Variants in NFATC3 observed in about 807,000 individuals in gnomAD.
NFATC3 encodes nuclear factor of activated T-cells, cytoplasmic 3.
In NFATC3, 46 loss-of-function variants were observed where a neutral mutation model predicts 98.6. That is an observed-to-expected ratio of 0.47 (90% CI 0.37 to 0.60). The LOEUF is 0.60. Among genes scored for constraint, NFATC3 ranks in the 20% least tolerant of loss-of-function variants. The pLI, the probability that NFATC3 is intolerant of heterozygous loss-of-function variation, is 0.00. For synonymous variants in NFATC3, 512 were observed against 472.2 expected (o/e 1.08, Z -1.09); for missense variants, 1,256 against 1,295.5 (o/e 0.97, Z 0.47).
At chr16:68,096,104 G>A (rs149992176) in intron 1 of NFATC3, among the ~76,000 whole-genome samples, 140 of 152,226 alleles carry the variant, frequency 9.2e-4, no homozygotes, top group African/African-American at 2.5e-3. Context: ...CAAACCACAG[G>A]TGCTTGCCAC....
At chr16:68,168,719 C>T (rs1374542569) in intron 5 of NFATC3, among the ~76,000 whole-genome samples, 3 of 146,440 alleles carry the variant, frequency 2.0e-5, no homozygotes, top group Non-Finnish European at 4.5e-5. Context: ...CTCCTGACCT[C>T]GTGATCTGCC....
intron 1 of NFATC3, among the ~76,000 whole-genome samples, chr16:68,088,488 A>AATATATATTTTATATATT (rs1555512197): frequency 6.9e-6 from 1 of 144,086 alleles, no homozygotes; most frequent in African/African-American, 2.5e-5. Flanking sequence ...TAGTGTATAT[A>AATATATATTTTATATATT]ATATATATTT....
At chr16:68,106,492 C>G (rs762459207) in intron 1 of NFATC3, among the ~76,000 whole-genome samples, 58 of 151,638 alleles carry the variant, frequency 3.8e-4, no homozygotes, top group Admixed American at 2.0e-3. Flanking sequence ...GGGTTTCTCC[C>G]TGTTGTCCAG....
At chr16:68,091,276 A>C (rs1403507923) in intron 1 of NFATC3, among the ~76,000 whole-genome samples, 1 of 152,184 alleles carries the variant, frequency 6.6e-6, no homozygotes. Flanking sequence ...CCTGTATCTT[A>C]AGCGTTCAAG....
intron 3 of NFATC3, among the ~76,000 whole-genome samples, chr16:68,153,636 CAG>C (rs1465825330): frequency 2.0e-5 from 3 of 152,012 alleles, no homozygotes; most frequent in African/African-American, 7.2e-5. Flanking sequence ...TTTTTTGAGA[CAG>C]AGTCTCGCTC....
chr16:68,091,265 G>A (rs950035581), intron 1 of NFATC3, among the ~76,000 whole-genome samples: 3 of 152,140 alleles, frequency 2.0e-5, no homozygotes, highest in African/African-American at 7.2e-5. Context: ...GTTAAGTAAG[G>A]CCTGTATCTT....
intron 6 of NFATC3, among the ~76,000 whole-genome samples, chr16:68,177,817 T>C (rs1381242478): frequency 6.6e-6 from 1 of 152,174 alleles, no homozygotes; most frequent in African/African-American, 2.4e-5. Context: ...TTTTGTTTCA[T>C]TTCTCTATCG....
chr16:68,157,095 A>T (rs1226619414), intron 3 of NFATC3, among the ~76,000 whole-genome samples: 1 of 152,004 alleles, frequency 6.6e-6, no homozygotes, highest in Non-Finnish European at 1.5e-5. Context: ...TGCTTTCACT[A>T]CTGCGATTCA....
In NFATC3 at chr16:68,091,079, A is replaced by G. The variant is rs1017987591; in HGVS notation, c.103+5295A>G. Among the ~76,000 whole-genome samples, 5 of 152,358 alleles carry G rather than the reference A, an allele frequency of 3.3e-5. No individual in the cohort carries two copies. In the East Asian group the frequency reaches 5.8e-4, roughly 18 times the overall value. On this transcript the variant is annotated intron_variant, in intron 1 of 9. Transcript: ENST00000346183. ...TCAATGTCATGTTTTTGTTAAAAAC[A>G]TTCATCATTGCAAGAGCTATTCCTG...
intron 9 of NFATC3, chr16:68,224,614 G>C (rs1425853936): frequency 8.4e-6 from 1 of 119,286 alleles, no homozygotes. Context: ...GTCTTGCTCT[G>C]TCTCCCTGGC....
intron 1 of NFATC3, among the ~76,000 whole-genome samples, chr16:68,091,264 G>C (rs1328500376): frequency 6.6e-6 from 1 of 152,158 alleles, no homozygotes; most frequent in East Asian, 1.9e-4. Flanking sequence ...GGTTAAGTAA[G>C]GCCTGTATCT....
At chr16:68,112,186 C>G (rs948703510) in intron 1 of NFATC3, among the ~76,000 whole-genome samples, 1 of 150,508 alleles carries the variant, frequency 6.6e-6, no homozygotes, top group Non-Finnish European at 1.5e-5. Context: ...GGGAAGTTCT[C>G]ATGGATGATA....
chr16:68,212,956 A>ATT lies in NFATC3; in HGVS notation c.3107-13379_3107-13378dup, dbSNP rs1234209557. On this transcript the variant is annotated intron_variant, in intron 9 of 9. Transcript: ENST00000346183. Reference sequence around the variant, plus strand: ...AGGCGCCCGCCACCACGCCTGGCTGATTTTTTTTTTTTTTTTGTATTTTTA... The same window carrying ATT: ...AGGCGCCCGCCACCACGCCTGGCTGATTTTTTTTTTTTTTTTTTGTATTTTTA... 4.3e-3 allele frequency among the ~76,000 whole-genome samples: 505 copies of ATT among 117,600 alleles called. 7 individuals are homozygous for ATT. The highest frequency in any genetic ancestry group is 0.015 in the African/African-American group (475 of 31,032). 77.2% of individuals were successfully genotyped at this position (117,600 alleles called of 152,430 possible). A position where few individuals can be genotyped will look rare whatever the true frequency, so the allele number is the denominator to read the frequency against.
At chr16:68,183,144 G>A (rs1196882183) in intron 7 of NFATC3, 96 bp from the exon 8 acceptor site, 4 of 1,272,246 alleles carry the variant, frequency 3.1e-6, no homozygotes, top group Non-Finnish European at 3.2e-6. Flanking sequence ...ATCTATGCTG[G>A]AGCCTTGTAG....
At chr16:68,196,798 A>C (rs955045774) in intron 9 of NFATC3, among the ~76,000 whole-genome samples, 7 of 152,176 alleles carry the variant, frequency 4.6e-5, no homozygotes, top group Non-Finnish European at 1.0e-4. Flanking sequence ...TGGGAGGCCG[A>C]GGTGGGCAGA....
chr16:68,094,712 G>A (rs1483395008), intron 1 of NFATC3, among the ~76,000 whole-genome samples: 2 of 152,052 alleles, frequency 1.3e-5, no homozygotes, highest in South Asian at 4.1e-4. Flanking sequence ...CATGGTTTTA[G>A]CACTTCTGTT....
chr16:68,201,435 A>T, intron 9 of NFATC3, among the ~76,000 whole-genome samples: 1 of 145,000 alleles, frequency 6.9e-6, no homozygotes, highest in African/African-American at 2.6e-5. Context: ...TGTTTTTTTT[A>T]TTGTTTTTTG....
Position 68,085,796 on chromosome 16 carries a change from GC to G in NFATC3, c.103+14del. ...CTCGCGGCCTGCAGGTGGGTGCCGG[GC>G]CAGGCGGGACCGTGGAGCGACCCCG... On this transcript the variant is annotated intron_variant, in intron 1 of 9. Transcript: ENST00000346183. 6.9e-7 allele frequency: 1 copy of G among 1,452,868 alleles called. No individual in the cohort carries two copies. The highest frequency in any genetic ancestry group is 9.0e-7 in the Non-Finnish European group (1 of 1,112,178). 90.0% of individuals were successfully genotyped at this position (1,452,868 alleles called of 1,614,324 possible).
chr16:68,166,116 T>G (rs1037341646), intron 4 of NFATC3, among the ~76,000 whole-genome samples: 3 of 152,260 alleles, frequency 2.0e-5, no homozygotes, highest in Non-Finnish European at 4.4e-5. Flanking sequence ...TGTTGATAAA[T>G]TATTTCTTGT....
Sources: gnomAD v4.1 joint callset for allele counts (sites outside exome capture counted in the v4.1 genomes callset) on GRCh38, gnomAD v4.1.1 for gene constraint, MANE v1.5 for transcripts, NCBI Gene and HGNC (gene_info 2026-07-23, HGNC 2026-07-21) for gene names.